PAPOLA: variants seen among roughly 807,000 people sequenced by gnomAD.
The protein encoded by PAPOLA is poly(A) polymerase alpha.
A neutral mutation model predicts 100.6 loss-of-function variants in PAPOLA; 15 were observed. That is an observed-to-expected ratio of 0.15 (90% confidence interval 0.10 to 0.23). The LOEUF is 0.23. PAPOLA is among the 10% of genes least tolerant of loss of function. The pLI, the probability that PAPOLA is intolerant of heterozygous loss-of-function variation, is 1.00. For missense variants in PAPOLA, 533 were observed against 884.2 expected (o/e 0.60, Z 5.04); for synonymous variants, 293 against 300.0 (o/e 0.98, Z 0.24).
At chr14:96,562,948 G>T in intron 21 of PAPOLA, 55 bp downstream of exon 21, 1 of 1,009,306 alleles carries the variant, frequency 9.9e-7, no homozygotes, top group Middle Eastern at 2.1e-4. Context: ...GATTAGTGTG[G>T]TATATTGAAT....
chr14:96,559,581 C>CTCTCTCTCTCTCTCTCTCTCTCTCTCTA (rs370979875), intron 19 of PAPOLA, among the ~76,000 whole-genome samples: 1 of 120,182 alleles, frequency 8.3e-6, no homozygotes, highest in African/African-American at 3.4e-5. Context: ...CTCTCTCTCT[C>CTCTCTCTCTCTCTCTCTCTCTCTCTCTA]TATATATATA....
chr14:96,546,956 C>T (rs1173568456), intron 15 of PAPOLA, among the ~76,000 whole-genome samples: 1 of 152,136 alleles, frequency 6.6e-6, no homozygotes, highest in Non-Finnish European at 1.5e-5. Context: ...CTTACATCCT[C>T]ATGTTCATTT....
At chr14:96,504,694 C>G (rs1370984017) in intron 1 of PAPOLA, 1 of 152,130 alleles carries the variant, frequency 6.6e-6, no homozygotes, top group Non-Finnish European at 1.5e-5. Flanking sequence ...GAGCGAGACT[C>G]AAAAAGTAAG....
intron 1 of PAPOLA, among the ~76,000 whole-genome samples, chr14:96,514,396 T>C (rs1595502175): frequency 6.6e-6 from 1 of 151,298 alleles, no homozygotes; most frequent in South Asian, 2.1e-4. Context: ...TCAGCCAGGG[T>C]GGTCTCGATC....
chr14:96,544,396 T>C, intron 15 of PAPOLA, 138 bp downstream of exon 15: 1 of 593,684 alleles, frequency 1.7e-6, no homozygotes. Context: ...AATGGTTTTG[T>C]ATTAGTCTAA....
intron 1 of PAPOLA, among the ~76,000 whole-genome samples, chr14:96,510,311 TCA>T (rs1401743538): frequency 6.6e-6 from 1 of 152,200 alleles, no homozygotes; most frequent in African/African-American, 2.4e-5. Flanking sequence ...TGATACATTT[TCA>T]CACTCTTTCG....
chr14:96,503,694 A>G (rs1236007201), intron 1 of PAPOLA, among the ~76,000 whole-genome samples: 1 of 152,176 alleles, frequency 6.6e-6, no homozygotes, highest in Non-Finnish European at 1.5e-5. Flanking sequence ...GGTTAAATTC[A>G]GGATAAAGAT....
intron 2 of PAPOLA, 79 bp downstream of exon 2, chr14:96,520,307 C>T: frequency 9.3e-7 from 1 of 1,071,696 alleles, no homozygotes; most frequent in Non-Finnish European, 1.4e-6. Context: ...GCATTCTCTA[C>T]TTACTTAGAA....
intron 3 of PAPOLA, among the ~76,000 whole-genome samples, chr14:96,523,713 G>A (rs1265980306): frequency 6.6e-6 from 1 of 152,146 alleles, no homozygotes; most frequent in East Asian, 1.9e-4. Flanking sequence ...GGGAGGCCAA[G>A]GTGGGCTTAT....
At chr14:96,550,894 G>A (rs1288092839) in intron 16 of PAPOLA, among the ~76,000 whole-genome samples, 2 of 152,066 alleles carry the variant, frequency 1.3e-5, no homozygotes, top group Admixed American at 6.5e-5. Context: ...AGCACTGTAC[G>A]AGTCCTTTTT....
intron 21 of PAPOLA, among the ~76,000 whole-genome samples, chr14:96,563,648 T>C (rs1902047634): frequency 6.6e-6 from 1 of 152,174 alleles, no homozygotes; most frequent in African/African-American, 2.4e-5. Context: ...GCTGCTCCTG[T>C]GCAGCTCCGA....
At chr14:96,560,461 A>G (rs565783235) in intron 19 of PAPOLA, 188 bp from the exon 20 acceptor site, 3 of 493,190 alleles carry the variant, frequency 6.1e-6, no homozygotes, top group Non-Finnish European at 1.1e-5. Flanking sequence ...TAATTTTATT[A>G]GCTACTGAAG....
intron 1 of PAPOLA, 57 bp from the exon 2 acceptor site, chr14:96,519,998 A>G (rs1274242628): frequency 1.1e-5 from 15 of 1,402,124 alleles, no homozygotes; most frequent in East Asian, 4.7e-5. Context: ...GGTCTTACTG[A>G]TTTGTTTCAA....
chr14:96,520,191 T>C lies in PAPOLA; in HGVS notation c.145T>C (p.Phe49Leu), dbSNP rs1897829729. The change falls in exon 2 of 22, where the codon TTT (phenylalanine) becomes CTT (leucine). Residue 49 changes from phenylalanine to leucine, a missense_variant. This residue lies in a region of PAPOLA where 54 missense variants were observed against 133.2 expected (regional missense o/e 0.41). Transcript: ENST00000216277. ...GAAACTAATTGAGACATTGAAACCC[T>C]TTGGGGTTTTTGAAGAGGAAGAGGA... The part of the protein sequence containing the change: ...TQKLIETLKP[F>L]GVFEEEEELQ... The C allele has an allele frequency of 6.2e-7, 1 of 1,613,544 alleles. No individual in the cohort carries two copies. The highest frequency in any genetic ancestry group is 8.5e-7 in the Non-Finnish European group (1 of 1,179,746).
At chr14:96,547,191 T>C (rs1900458202) in intron 15 of PAPOLA, among the ~76,000 whole-genome samples, 1 of 152,156 alleles carries the variant, frequency 6.6e-6, no homozygotes, top group Non-Finnish European at 1.5e-5. Context: ...GAATCAAGTA[T>C]AGGTGTTTCA....
At chr14:96,546,768 G>A (rs1900425480) in intron 15 of PAPOLA, among the ~76,000 whole-genome samples, 1 of 152,122 alleles carries the variant, frequency 6.6e-6, no homozygotes, top group Admixed American at 6.6e-5. Context: ...AAAAACTTGT[G>A]TGTTGAGAGT....
chr14:96,531,816 T>G (rs1899045509), intron 7 of PAPOLA: 5 of 1,408,650 alleles, frequency 3.5e-6, no homozygotes, highest in Non-Finnish European at 4.6e-6. Flanking sequence ...CTCAGGACAC[T>G]TAAAAAGACC....
intron 15 of PAPOLA, among the ~76,000 whole-genome samples, chr14:96,545,987 T>G (rs1900367250): frequency 6.6e-6 from 1 of 152,132 alleles, no homozygotes; most frequent in African/African-American, 2.4e-5. Flanking sequence ...CAAGGATGTT[T>G]TAGGTATTTT....
intron 11 of PAPOLA, 46 bp downstream of exon 11, chr14:96,536,045 G>C (rs748589496): frequency 6.9e-7 from 1 of 1,449,942 alleles, no homozygotes; most frequent in Non-Finnish European, 9.2e-7. Flanking sequence ...AAGGATTTAC[G>C]TACCATTGTA....
Sources: allele counts gnomAD v4.1 joint callset (sites outside exome capture counted in the v4.1 genomes callset), GRCh38; gene constraint gnomAD v4.1.1; regional missense constraint gnomAD v4.1.1; transcripts MANE v1.5; gene names NCBI Gene and HGNC (gene_info 2026-07-23, HGNC 2026-07-21).